Variants in EIF3D observed in about 807,000 individuals in gnomAD.
The protein encoded by EIF3D is eIF3 p66.
Under a neutral mutation model 75.4 loss-of-function variants are expected in EIF3D, and 10 were observed. The ratio of observed to expected loss-of-function variants is 0.13; its 90% confidence interval spans 0.08 to 0.22. The LOEUF (loss-of-function observed/expected upper bound fraction) is 0.22. EIF3D is among the 10% of genes least tolerant of loss of function. EIF3D has a pLI of 1.00. For synonymous variants in EIF3D, 246 were observed against 248.3 expected (o/e 0.99, Z 0.09); for missense variants, 394 against 708.0 (o/e 0.56, Z 5.03).
At chr22:36,517,462 G>C in intron 9 of EIF3D, 31 bp from the exon 10 acceptor site, 1 of 1,590,338 alleles carries the variant, frequency 6.3e-7, no homozygotes, top group Non-Finnish European at 8.6e-7. Flanking sequence ...CACTCACCAT[G>C]CAACAAAGAG....
At chr22:36,523,624 T>C (rs1309955192) in intron 5 of EIF3D, among the ~76,000 whole-genome samples, 1 of 152,158 alleles carries the variant, frequency 6.6e-6, no homozygotes, top group African/African-American at 2.4e-5. Context: ...ACAGCAGAAC[T>C]GAGCCCAGGT....
Position 36,529,095 on chromosome 22 carries a change from C to T in EIF3D, c.-30G>A. ...GCTCACCTGCAATGGCCTCGGCCGG[C>T]CGGGATGGCAACAGATGGTGCGTGC... On this transcript the variant is annotated 5_prime_UTR_variant, in exon 1 of 15. Coordinates refer to ENST00000216190, the MANE Select transcript of EIF3D (RefSeq NM_003753.4). 5.1e-6 allele frequency: 2 copies of T among 393,470 alleles called. No homozygotes were observed. Among genetic ancestry groups the T allele is most frequent in the Non-Finnish European group, 9.0e-6 (2 of 223,132 alleles). The allele number at this position is 393,470 out of a possible 1,614,324, so 24.4% of individuals were successfully genotyped here.
chr22:36,515,844 G>A (rs1385132720), intron 12 of EIF3D, among the ~76,000 whole-genome samples: 1 of 135,842 alleles, frequency 7.4e-6, no homozygotes, highest in African/African-American at 2.7e-5. Context: ...AAGGCCGCTG[G>A]CCCCAGAGCG....
intron 1 of EIF3D, among the ~76,000 whole-genome samples, chr22:36,528,448 CAGG>C (rs895661223): frequency 7.3e-5 from 11 of 151,500 alleles, no homozygotes; most frequent in Admixed American, 2.0e-4. Flanking sequence ...AGAGCGGAAC[CAGG>C]AGGAGAAACT....
In EIF3D at chr22:36,517,290, C is replaced by A. The variant is rs374812558; in HGVS notation, c.990+11G>T. 17 of 1,613,700 alleles carry A rather than the reference C, an allele frequency of 1.1e-5. No individual in the cohort carries two copies. The highest frequency in any genetic ancestry group is 1.4e-5 in the Non-Finnish European group (16 of 1,179,800). On this transcript the variant is annotated intron_variant, in intron 10 of 14. Coordinates refer to ENST00000216190, the MANE Select transcript of EIF3D (RefSeq NM_003753.4). ...AAGAATGAATCAATGCCCAGAGACT[C>A]GTTTCCTCACCATTCTCAAGCACTG...
intron 1 of EIF3D, among the ~76,000 whole-genome samples, chr22:36,526,646 C>T (rs1289922227): frequency 2.0e-5 from 3 of 150,610 alleles, no homozygotes; most frequent in Non-Finnish European, 2.9e-5. Flanking sequence ...CTCACTTTGT[C>T]ACCCATGCTG....
At chr22:36,522,681 G>C (rs1482498893) in intron 6 of EIF3D, among the ~76,000 whole-genome samples, 2 of 152,190 alleles carry the variant, frequency 1.3e-5, no homozygotes, top group Non-Finnish European at 2.9e-5. Flanking sequence ...GTTTGGGTGT[G>C]CCTCCTGGAA....
intron 7 of EIF3D, among the ~76,000 whole-genome samples, chr22:36,519,749 C>G (rs959472319): frequency 1.3e-5 from 2 of 152,152 alleles, no homozygotes; most frequent in African/African-American, 4.8e-5. Flanking sequence ...TCATCTAGCC[C>G]AACGCCCCCA....
At chr22:36,512,225 G>A (rs1025976165) in intron 13 of EIF3D, among the ~76,000 whole-genome samples, 4 of 152,112 alleles carry the variant, frequency 2.6e-5, no homozygotes, top group East Asian at 1.9e-4. Flanking sequence ...GGAAAACATC[G>A]TCTTCTGAGT....
chr22:36,519,624 CAA>C (rs1416599700), intron 7 of EIF3D, 87 bp from the exon 8 acceptor site: 3 of 1,569,734 alleles, frequency 1.9e-6, no homozygotes. Context: ...AAGTCTTATC[CAA>C]AAGTCTAAAA....
chr22:36,511,895 T>TTTC, intron 13 of EIF3D, 109 bp from the exon 14 acceptor site: 2 of 742,902 alleles, frequency 2.7e-6, no homozygotes, highest in African/African-American at 4.5e-5. Flanking sequence ...CTATTTTTTC[T>TTTC]TTTTTTTTTT....
At chr22:36,525,764 C>G (rs1370808406) in intron 2 of EIF3D, 55 bp from the exon 3 acceptor site, 1 of 1,590,270 alleles carries the variant, frequency 6.3e-7, no homozygotes, top group African/African-American at 1.4e-5. Flanking sequence ...CAAGTTTCTG[C>G]AGAACCAGAA....
chr22:36,516,315 T>TA (rs1312141816), intron 12 of EIF3D, 163 bp downstream of exon 12: 5 of 769,008 alleles, frequency 6.5e-6, no homozygotes, highest in Non-Finnish European at 1.0e-5. Context: ...AGCAAGGAAC[T>TA]AAGCAGAGGA....
chr22:36,523,586 C>T (rs954189841), intron 5 of EIF3D, among the ~76,000 whole-genome samples: 1 of 152,164 alleles, frequency 6.6e-6, no homozygotes, highest in African/African-American at 2.4e-5. Flanking sequence ...AAAGGACCAG[C>T]ATACAGGGGG....
chr22:36,522,050 A>G (rs1934522301), intron 6 of EIF3D, among the ~76,000 whole-genome samples: 1 of 152,082 alleles, frequency 6.6e-6, no homozygotes, highest in Non-Finnish European at 1.5e-5. Context: ...TTTTCTTCAA[A>G]CAAACATGGA....
chr22:36,527,616 G>A (rs1308354410), intron 1 of EIF3D, among the ~76,000 whole-genome samples: 16 of 152,140 alleles, frequency 1.1e-4, no homozygotes, highest in African/African-American at 2.9e-4. Flanking sequence ...CGAGGTGGGC[G>A]GATCACGAGG....
intron 10 of EIF3D, 101 bp downstream of exon 10, chr22:36,517,200 T>G (rs1934440619): frequency 1.3e-6 from 2 of 1,521,290 alleles, no homozygotes; most frequent in Non-Finnish European, 1.8e-6. Context: ...GCGTCTGACC[T>G]GCTCAGTCCC....
At chr22:36,520,492 A>T in intron 7 of EIF3D, 84 bp downstream of exon 7, 1 of 942,520 alleles carries the variant, frequency 1.1e-6, no homozygotes, top group Non-Finnish European at 1.6e-6. Context: ...CTTTTTGGAA[A>T]TACTAGGGCT....
intron 14 of EIF3D, 100 bp from the exon 15 acceptor site, chr22:36,511,100 C>G: frequency 2.1e-6 from 3 of 1,408,308 alleles, no homozygotes; most frequent in Non-Finnish European, 2.9e-6. Flanking sequence ...GAGTTTTCAA[C>G]ACTTCCATTC....
Sources: gnomAD v4.1 joint callset for allele counts (sites outside exome capture counted in the v4.1 genomes callset) on GRCh38, gnomAD v4.1.1 for gene constraint, MANE v1.5 for transcripts, NCBI Gene and HGNC (gene_info 2026-07-23, HGNC 2026-07-21) for gene names.